The following IFT172 variants were observed in gnomAD, a reference collection of about 807,000 sequenced individuals.
IFT172 encodes intraflagellar transport 172.
In IFT172, 164 loss-of-function variants were observed where a neutral mutation model predicts 248.9. That is an observed-to-expected ratio of 0.66 (90% CI 0.58 to 0.75). IFT172 has a LOEUF of 0.75. Among genes scored for constraint, IFT172 ranks in the 30% least tolerant of loss-of-function variants. The probability of loss-of-function intolerance (pLI) is 0.00; values close to 1 mark genes in which losing one functional copy is unlikely to be tolerated. For synonymous variants in IFT172, 729 were observed against 791.6 expected (o/e 0.92, Z 1.33); for missense variants, 1,950 against 2,192.4 (o/e 0.89, Z 2.21).
chr2:27,445,518 G>C lies in IFT172; in HGVS notation c.4915-69C>G. ...GCAGGACAAGTTGGGGTGGATGGGT[G>C]AGGAGGGGGTTTGCTAAGCCCTCAT... On this transcript the variant is annotated intron_variant, in intron 45 of 47. Coordinates refer to ENST00000260570, the MANE Select transcript of IFT172 (RefSeq NM_015662.3). This position sits in a 1 kb window ranked among gnomAD's most constrained non-coding sequence, Gnocchi z 4.4. The C allele has an allele frequency of 2.0e-6, 3 of 1,522,610 alleles. No individual in the cohort carries two copies. Among genetic ancestry groups the C allele is most frequent in the Non-Finnish European group, 2.7e-6 (3 of 1,123,302 alleles). The allele number at this position is 1,522,610 out of a possible 1,614,324, so 94.3% of individuals were successfully genotyped here.
At chr2:27,489,527 T>C in intron 1 of IFT172, 88 bp downstream of exon 1, 1 of 947,714 alleles carries the variant, frequency 1.1e-6, no homozygotes, top group South Asian at 1.4e-5. Context: ...CTGCACACAG[T>C]AGGAGGTCAA....
intron 35 of IFT172, among the ~76,000 whole-genome samples, chr2:27,451,979 A>G (rs1572730116): frequency 8.6e-6 from 1 of 116,512 alleles, no homozygotes; most frequent in South Asian, 2.6e-4. Flanking sequence ...ATATATATGT[A>G]TGTGTGTGTG....
At chr2:27,487,836 C>T (rs1197994886) in intron 1 of IFT172, among the ~76,000 whole-genome samples, 3 of 152,158 alleles carry the variant, frequency 2.0e-5, no homozygotes, top group Non-Finnish European at 4.4e-5. Flanking sequence ...CTGCCTGCCT[C>T]GGCCTCCCAA....
At chr2:27,473,723 T>C (rs765599356) in intron 14 of IFT172, among the ~76,000 whole-genome samples, 3 of 152,146 alleles carry the variant, frequency 2.0e-5, no homozygotes, top group Non-Finnish European at 4.4e-5. Context: ...GTGTACAGTA[T>C]ATATTTTTCT....
chr2:27,485,324 T>G (rs752772365), intron 2 of IFT172, 36 bp downstream of exon 2: 17 of 1,612,316 alleles, frequency 1.1e-5, no homozygotes, highest in Non-Finnish European at 1.4e-5. Context: ...ACCCCATCAA[T>G]AGGTTAAATA....
intron 3 of IFT172, among the ~76,000 whole-genome samples, chr2:27,484,543 A>G (rs1668612194): frequency 2.0e-5 from 3 of 152,176 alleles, no homozygotes; most frequent in Admixed American, 6.5e-5. Flanking sequence ...GTGAGCCACA[A>G]TCGCGCCACT....
At position 27,477,246 on chromosome 2, in the gene IFT172, G is replaced by A. The variant is rs757369170; in HGVS notation, c.1296C>T (p.Arg432=). 3.7e-6 allele frequency: 6 copies of A among 1,614,086 alleles called. No individual in the cohort carries two copies. The South Asian group carries it at 6.6e-5, about 18-fold the overall frequency. Residue 432 remains arginine (R), a synonymous_variant, in exon 13 of 48, where the codon CGC becomes CGT. Transcript: ENST00000260570. Reference sequence around the variant, plus strand: ...TGAGGTGGGGGTTCATGAATTCAGTGCGTACAGAACCCAGGGTGTCATTAT... The same window carrying A: ...TGAGGTGGGGGTTCATGAATTCAGTACGTACAGAACCCAGGGTGTCATTAT... The part of the protein sequence containing the change: ...YGNNDTLGSV[R]TEFMNPHLIS...
intron 1 of IFT172, 101 bp from the exon 2 acceptor site, chr2:27,485,604 TC>T: frequency 7.3e-7 from 1 of 1,375,324 alleles, no homozygotes; most frequent in Non-Finnish European, 1.0e-6. Context: ...TCAATTTTCT[TC>T]CTGTCACGGT....
chr2:27,454,525 A>T lies in IFT172; in HGVS notation c.3465+42T>A. ...CCAGCAGCAGTGCACTAGGGGATGG[A>T]ATAAGAGGGCTCTGCGGTCGGGGTC... On this transcript the variant is annotated intron_variant, in intron 31 of 47. Coordinates refer to ENST00000260570, the MANE Select transcript of IFT172 (RefSeq NM_015662.3). This position sits in a 1 kb window ranked among gnomAD's most constrained non-coding sequence, Gnocchi z 4.2. 1 of 1,611,148 alleles carries T rather than the reference A, an allele frequency of 6.2e-7. No homozygotes were observed. The highest frequency in any genetic ancestry group is 8.5e-7 in the Non-Finnish European group (1 of 1,177,348).
intron 1 of IFT172, 87 bp downstream of exon 1, chr2:27,489,528 A>G (rs1044636556): frequency 2.1e-5 from 20 of 959,292 alleles, no homozygotes; most frequent in East Asian, 4.9e-5. Flanking sequence ...TGCACACAGT[A>G]GGAGGTCAAC....
chr2:27,449,500 G>A lies in IFT172; in HGVS notation c.4223C>T (p.Ser1408Leu), dbSNP rs940572325. 6.2e-6 allele frequency: 10 copies of A among 1,614,130 alleles called. No individual in the cohort carries two copies. Among genetic ancestry groups the A allele is most frequent in the African/African-American group, 1.3e-5 (1 of 75,016 alleles). Residue 1408 changes from serine (S) to leucine (L), a missense_variant and splice_region_variant, in exon 38 of 48, where the codon TCG becomes TTG. Ser to Leu is a moderately radical substitution (Grantham distance 145). Transcript: ENST00000260570. ...TCCTGCTAACTCTCCAAGTCTCACC[G>A]AGTCCACTTTGCCCTGATTCTTGAG... is the stretch of plus-strand genomic sequence containing the variant. ...EFLKNQGKVD[S>L]LVGVDVIAAL... is the part of the protein sequence containing the mutation.
intron 23 of IFT172, among the ~76,000 whole-genome samples, chr2:27,460,256 A>T (rs1402716970): frequency 4.2e-5 from 6 of 141,756 alleles, no homozygotes. Context: ...TCAAGTACCC[A>T]GGGACACAAA....
rs866980509 is a variant in IFT172, at chr2:27,476,698, C to T, written c.1354G>A (p.Gly452Arg). The T allele has an allele frequency of 5.0e-6, 8 of 1,612,426 alleles. No homozygotes were observed. The African/African-American group carries it at 9.4e-5, about 19-fold the overall frequency. Reference protein sequence around the residue: ...SVRINERCQRGTEDNKKLAYL... With the variant: ...SVRINERCQRRTEDNKKLAYL... The stretch of plus-strand genomic sequence containing the variant: ...GCCAATTTCTTATTATCTTCTGTTC[C>T]TCGCTGACACCTCTCATTAATACGA... Residue 452 changes from glycine to arginine, a missense_variant, in exon 14 of 48, where the codon GGA becomes AGA. By Grantham distance (125) the Gly-to-Arg change is moderately radical. This residue lies in a region of IFT172 where 1,166 missense variants were observed against 1,254.1 expected (regional missense o/e 0.93). Coordinates refer to ENST00000260570, the MANE Select transcript of IFT172 (RefSeq NM_015662.3).
At chr2:27,458,042 AG>A in intron 27 of IFT172, 66 bp from the exon 28 acceptor site, 1 of 1,612,448 alleles carries the variant, frequency 6.2e-7, no homozygotes, top group Non-Finnish European at 8.5e-7. Context: ...TTCTGGGCAG[AG>A]GGTACACATC....
At chr2:27,481,559 T>C (rs1390782759) in intron 7 of IFT172, among the ~76,000 whole-genome samples, 1 of 151,348 alleles carries the variant, frequency 6.6e-6, no homozygotes, top group Non-Finnish European at 1.5e-5. Context: ...TTTTTTTTTT[T>C]GAGACAGAGT....
chr2:27,477,285 C>G lies in IFT172; in HGVS notation c.1257G>C (p.Leu419=), dbSNP rs1207098567. The part of the protein sequence containing the change: ...CMIFNAGELT[L]VEYGNNDTLG... ...GGGTGTCATTATTCCCATATTCCAC[C>G]AGGGTTAGCTCTCCGGCATTGAAGA... The change falls in exon 13 of 48, where the codon CTG becomes CTC. Residue 419 remains leucine, a synonymous_variant. Coordinates refer to ENST00000260570, the MANE Select transcript of IFT172 (RefSeq NM_015662.3). The G allele has an allele frequency of 8.7e-6, 14 of 1,614,090 alleles. No homozygotes were observed. The highest frequency in any genetic ancestry group is 1.6e-4 in the Middle Eastern group (1 of 6,062).
Position 27,454,132 on chromosome 2 carries a change from A to G in IFT172, c.3561T>C (p.Ala1187=). 1 of 1,613,532 alleles carries G rather than the reference A, an allele frequency of 6.2e-7. No homozygotes were observed. Among genetic ancestry groups the G allele is most frequent in the Non-Finnish European group, 8.5e-7 (1 of 1,179,746 alleles). The change falls in exon 33 of 48, where the codon GCT becomes GCC. Residue 1187 remains alanine (A), a synonymous_variant. Coordinates refer to ENST00000260570, the MANE Select transcript of IFT172 (RefSeq NM_015662.3). The surrounding 1 kb of genome is among the most constrained non-coding windows in gnomAD (Gnocchi z 4.2). ...MFVHNQDWEA[A]QRVAEAHDPD... ...GGTCGTGAGCCTCAGCCACACGCTG[A>G]GCTGCCTCCCAATCCTGGTTATGGA...
rs201237891 is a variant in IFT172 at position 27,445,762 on chromosome 2, C to G, written c.4897G>C (p.Ala1633Pro). 6 of 1,614,152 alleles carry G rather than the reference C, an allele frequency of 3.7e-6. No homozygotes were observed. The highest frequency in any genetic ancestry group is 5.1e-6 in the Non-Finnish European group (6 of 1,180,022). ...TDIPFEVPLP[A>P]KQHVPEAERE... is the part of the protein sequence containing the mutation. ...GCCCTTACCGGTACATGCTGCTTAG[C>G]TGGGAGTGGCACCTCAAAGGGAATG... is the stretch of plus-strand genomic sequence containing the variant. The change falls in exon 45 of 48, where the codon GCT becomes CCT. Residue 1633 changes from alanine (A) to proline (P), a missense_variant. Ala to Pro is a conservative substitution (Grantham distance 27). Transcript: ENST00000260570. The surrounding 1 kb of genome is among the most constrained non-coding windows in gnomAD (Gnocchi z 4.4).
chr2:27,472,295 A>C lies in IFT172; in HGVS notation c.1479T>G (p.Leu493=). Residue 493 remains leucine, a synonymous_variant, in exon 15 of 48, where the codon CTT becomes CTG. Transcript: ENST00000260570. ...AGAGGAGCTTGTGTCCAGTCTCATT[A>C]AGTTCCAGCCAATCCACACGGCTCT... ...SHESRVDWLE[L]NETGHKLLFR... 1 of 1,614,142 alleles carries C rather than the reference A, an allele frequency of 6.2e-7. No individual in the cohort carries two copies. The highest frequency in any genetic ancestry group is 8.5e-7 in the Non-Finnish European group (1 of 1,180,010).
Sources: allele counts gnomAD v4.1 joint callset (sites outside exome capture counted in the v4.1 genomes callset), GRCh38; gene constraint gnomAD v4.1.1; regional missense constraint gnomAD v4.1.1; non-coding constraint Gnocchi (gnomAD v3.1); transcripts MANE v1.5; gene names NCBI Gene and HGNC (gene_info 2026-07-23, HGNC 2026-07-21).